Variants in ZNF358 observed in about 807,000 individuals in gnomAD.
ZNF358 encodes zinc finger protein 358.
In ZNF358, 1 loss-of-function variant was observed where a neutral mutation model predicts 2.1. The ratio of observed to expected loss-of-function variants is 0.49; its 90% CI spans 0.17 to 2.30. The LOEUF (loss-of-function observed/expected upper bound fraction) is 2.30, where lower values mean the gene tolerates loss of function less well. ZNF358 is among the 30% of genes most tolerant of loss of function. ZNF358 has a pLI of 0.26. For missense variants in ZNF358, 665 were observed against 806.8 expected, an observed-to-expected ratio of 0.82 and a Z score of 2.13; for synonymous variants, 381 against 359.7, an observed-to-expected ratio of 1.06 and a Z score of -0.67.
At chr19:7,518,599 G>GAAAGAAAGAAAGAAAGAAAC (rs1239214321) in intron 1 of ZNF358, among the ~76,000 whole-genome samples, 1 of 94,928 alleles carries the variant, frequency 1.1e-5, no homozygotes, top group African/African-American at 3.0e-5. Context: ...AAGAAAGAAA[G>GAAAGAAAGAAAGAAAGAAAC]AATTGAAGTT....
In ZNF358 at chr19:7,516,288, G is replaced by A. The variant is rs1254106549; in HGVS notation, c.-39+39G>A. 7.2e-6 allele frequency: 1 copy of A among 138,936 alleles called. No individual in the cohort carries two copies. The highest frequency in any genetic ancestry group is 1.6e-5 in the Non-Finnish European group (1 of 62,350). 8.6% of individuals were successfully genotyped at this position (138,936 alleles called of 1,614,324 possible). On this transcript the variant is annotated intron_variant, in intron 1 of 1. Coordinates refer to ENST00000597229, the MANE Select transcript of ZNF358 (RefSeq NM_018083.5). This position sits in a 1 kb window ranked among gnomAD's most constrained non-coding sequence, Gnocchi z 5.9. ...CGAGCGGGCTGGGGCCGGGGCGGGG[G>A]GCTGGGTGGGGGGCGGGCGGGCGGG...
chr19:7,517,717 ATCTG>A (rs2022363225), intron 1 of ZNF358, among the ~76,000 whole-genome samples: 3 of 152,100 alleles, frequency 2.0e-5, no homozygotes, highest in Admixed American at 6.5e-5. Flanking sequence ...GGCATTTCCG[ATCTG>A]TCTAAGAGAG....
intron 1 of ZNF358, among the ~76,000 whole-genome samples, chr19:7,518,655 C>G (rs112735585): frequency 0.044 from 6,700 of 151,770 alleles, 344 homozygotes; most frequent in African/African-American, 0.11. Flanking sequence ...CTTGAGAGGC[C>G]GAGGTGGGAG....
At chr19:7,518,563 G>GAA (rs1216868085) in intron 1 of ZNF358, among the ~76,000 whole-genome samples, 1 of 139,892 alleles carries the variant, frequency 7.1e-6, no homozygotes, top group Non-Finnish European at 1.6e-5. Flanking sequence ...GAGAGAGAAA[G>GAA]AAAGAAAGAA....
chr19:7,519,556 T>C lies in ZNF358; in HGVS notation c.314T>C (p.Ile105Thr), dbSNP rs1186910357. The change falls in exon 2 of 2, where the codon ATT (isoleucine) becomes ACT (threonine). Residue 105 changes from isoleucine to threonine, a missense_variant. Ile to Thr is a moderately conservative substitution (Grantham distance 89). Transcript: ENST00000597229. ...GATGTGATTGGCCCCGTACCCCTGA[T>C]TCTCGATCCTAACAGCGACACCCTC... Reference protein sequence around the residue: ...DPDVIGPVPLILDPNSDTLSP... With the variant: ...DPDVIGPVPLTLDPNSDTLSP... 1 of 1,603,524 alleles carries C rather than the reference T, an allele frequency of 6.2e-7. No individual in the cohort carries two copies. Among genetic ancestry groups the C allele is most frequent in the South Asian group, 1.1e-5 (1 of 91,068 alleles).
At chr19:7,518,181 G>A (rs777457644) in intron 1 of ZNF358, among the ~76,000 whole-genome samples, 14 of 152,192 alleles carry the variant, frequency 9.2e-5, no homozygotes, top group South Asian at 2.1e-4. Flanking sequence ...CATGACCTCC[G>A]TCCAGGTTTG....
chr19:7,516,687 C>T lies in ZNF358; in HGVS notation c.-39+438C>T, dbSNP rs916880714. ...GGGGGACCTAGGGGTTCCCTCTTCC[C>T]CCAGGACCCTAGGAAGGGTCCCAGC... is the stretch of plus-strand genomic sequence containing the variant. On this transcript the variant is annotated intron_variant, in intron 1 of 1. Coordinates refer to ENST00000597229, the MANE Select transcript of ZNF358 (RefSeq NM_018083.5). This position sits in a 1 kb window ranked among gnomAD's most constrained non-coding sequence, Gnocchi z 5.9. Among the ~76,000 whole-genome samples, 2 of 151,998 alleles carry T rather than the reference C, an allele frequency of 1.3e-5. No individual in the cohort carries two copies. Among genetic ancestry groups the T allele is most frequent in the African/African-American group, 2.4e-5 (1 of 41,424 alleles).
intron 1 of ZNF358, among the ~76,000 whole-genome samples, chr19:7,518,816 G>A (rs1238284364): frequency 6.6e-6 from 1 of 152,024 alleles, no homozygotes; most frequent in Non-Finnish European, 1.5e-5. Flanking sequence ...TGTAATCCCA[G>A]CACTTTGGGA....
intron 1 of ZNF358, 117 bp from the exon 2 acceptor site, chr19:7,519,082 AAAAAAG>A: frequency 1.1e-5 from 13 of 1,194,098 alleles, no homozygotes; most frequent in African/African-American, 3.1e-5. Flanking sequence ...AAAAAAAAAA[AAAAAAG>A]AAGTGGGTTC....
rs1274079433 is a variant in ZNF358 at position 7,516,742 on chromosome 19, G to T, written c.-39+493G>T. Among the ~76,000 whole-genome samples, 1 of 152,110 alleles carries T rather than the reference G, an allele frequency of 6.6e-6. No homozygotes were observed. The highest frequency in any genetic ancestry group is 1.5e-5 in the Non-Finnish European group (1 of 67,988). ...GTTCCCTTGCCCCTCCAGTCTTGGGGTCTGCAGTTCTGGAAGCTCCTTTCC... is the reference window on the plus strand; with the variant it reads ...GTTCCCTTGCCCCTCCAGTCTTGGGTTCTGCAGTTCTGGAAGCTCCTTTCC... On this transcript the variant is annotated intron_variant, in intron 1 of 1. Transcript: ENST00000597229. The surrounding 1 kb of genome is among the most constrained non-coding windows in gnomAD (Gnocchi z 5.9).
chr19:7,519,519 G>A lies in ZNF358; in HGVS notation c.277G>A (p.Asp93Asn), dbSNP rs1285321147. 10 of 1,610,580 alleles carry A rather than the reference G, an allele frequency of 6.2e-6. No individual in the cohort carries two copies. Among genetic ancestry groups the A allele is most frequent in the Admixed American group, 3.3e-5 (2 of 59,974 alleles). Residue 93 changes from aspartate (D) to asparagine (N), a missense_variant, in exon 2 of 2, where the codon GAC becomes AAC. Coordinates refer to ENST00000597229, the MANE Select transcript of ZNF358 (RefSeq NM_018083.5). Reference sequence around the variant, plus strand: ...TCCCGACCCCATGTCTTCGAGTTTCGACCTCGATCCAGATGTGATTGGCCC... The same window carrying A: ...TCCCGACCCCATGTCTTCGAGTTTCAACCTCGATCCAGATGTGATTGGCCC... ...QDPDPMSSSF[D>N]LDPDVIGPVP... is the part of the protein sequence containing the mutation.
At position 7,520,749 on chromosome 19, in the gene ZNF358, G is replaced by C; in HGVS notation, c.1507G>C (p.Gly503Arg). 1 of 1,614,078 alleles carries C rather than the reference G, an allele frequency of 6.2e-7. No homozygotes were observed. ...TGACCCAAAGGCTGGGCACGACGCT[G>C]GTCCCGACCTTGTGCCCAGCCCAGA... is the stretch of plus-strand genomic sequence containing the variant. ...SSDPKAGHDA[G>R]PDLVPSPDLD... The change falls in exon 2 of 2, where the codon GGT becomes CGT. Residue 503 changes from glycine to arginine, a missense_variant. By Grantham distance (125) the Gly-to-Arg change is moderately radical (BLOSUM62 -2). Transcript: ENST00000597229. The surrounding 1 kb of genome is among the most constrained non-coding windows in gnomAD (Gnocchi z 6.0).
At chr19:7,514,564 A>C (rs569915685), upstream of ZNF358, among the ~76,000 whole-genome samples, 1 of 152,338 alleles carries the variant, frequency 6.6e-6, no homozygotes, top group Non-Finnish European at 1.5e-5. Context: ...GGGTGTCTCT[A>C]TAAGGAGGAC....
rs1568393411 is a variant in ZNF358 at position 7,516,696 on chromosome 19, C to G, written c.-39+447C>G. 2.0e-5 allele frequency among the ~76,000 whole-genome samples: 3 copies of G among 151,996 alleles called. No individual in the cohort carries two copies. Among genetic ancestry groups the G allele is most frequent in the Admixed American group, 2.0e-4 (3 of 15,276 alleles). ...AGGGGTTCCCTCTTCCCCCAGGACCCTAGGAAGGGTCCCAGCGATTGTTCC... is the reference window on the plus strand; with the variant it reads ...AGGGGTTCCCTCTTCCCCCAGGACCGTAGGAAGGGTCCCAGCGATTGTTCC... On this transcript the variant is annotated intron_variant, in intron 1 of 1. Coordinates refer to ENST00000597229, the MANE Select transcript of ZNF358 (RefSeq NM_018083.5). The surrounding 1 kb of genome is among the most constrained non-coding windows in gnomAD (Gnocchi z 5.9).
At position 7,516,469 on chromosome 19, in the gene ZNF358, G is replaced by A. The variant is rs2022342679; in HGVS notation, c.-39+220G>A. Among the ~76,000 whole-genome samples, 1 of 151,826 alleles carries A rather than the reference G, an allele frequency of 6.6e-6. No individual in the cohort carries two copies. The highest frequency in any genetic ancestry group is 2.4e-5 in the African/African-American group (1 of 41,368). ...CTAGCGCACCCATCCCGCCGCTGGG[G>A]CCCGGGGGGAAAGGGCCAGGAGGTT... is the stretch of plus-strand genomic sequence containing the variant. On this transcript the variant is annotated intron_variant, in intron 1 of 1. Transcript: ENST00000597229. This position sits in a 1 kb window ranked among gnomAD's most constrained non-coding sequence, Gnocchi z 5.9.
chr19:7,517,715 C>T (rs868855302), intron 1 of ZNF358, among the ~76,000 whole-genome samples: 18 of 152,144 alleles, frequency 1.2e-4, no homozygotes, highest in African/African-American at 3.4e-4. Flanking sequence ...AGGGCATTTC[C>T]GATCTGTCTA....
At chr19:7,518,945 A>G (rs2022402975) in intron 1 of ZNF358, among the ~76,000 whole-genome samples, 1 of 151,604 alleles carries the variant, frequency 6.6e-6, no homozygotes, top group South Asian at 2.1e-4. Context: ...GACACCTGTA[A>G]TCCCAGCTAC....
At chr19:7,518,442 C>G (rs2022377624) in intron 1 of ZNF358, among the ~76,000 whole-genome samples, 1 of 146,542 alleles carries the variant, frequency 6.8e-6, no homozygotes, top group African/African-American at 2.5e-5. Context: ...GACACCCCAT[C>G]TCAAAAAAGA....
In ZNF358 at chr19:7,520,563, G is replaced by A. The variant is rs2022460205; in HGVS notation, c.1321G>A (p.Asp441Asn). 3.1e-6 allele frequency: 4 copies of A among 1,285,244 alleles called. No homozygotes were observed. The highest frequency in any genetic ancestry group is 3.0e-5 in the African/African-American group (2 of 67,560). 79.6% of individuals were successfully genotyped at this position (1,285,244 alleles called of 1,614,324 possible). Residue 441 changes from aspartate to asparagine, a missense_variant, in exon 2 of 2, where the codon GAT (aspartate) becomes AAT (asparagine). Transcript: ENST00000597229. The surrounding 1 kb of genome is among the most constrained non-coding windows in gnomAD (Gnocchi z 6.0). ...GGGGCAGGTCTCCCTCCTGGGTCCT[G>A]ATGCTGTTTCTGTGCTCGGCTCTGG... ...RPGQVSLLGP[D>N]AVSVLGSGLG...
Sources: allele counts gnomAD v4.1 joint callset (sites outside exome capture counted in the v4.1 genomes callset), GRCh38; gene constraint gnomAD v4.1.1; non-coding constraint Gnocchi (gnomAD v3.1); transcripts MANE v1.5; gene names NCBI Gene and HGNC (gene_info 2026-07-23, HGNC 2026-07-21).